KCNIP4: variants seen among roughly 807,000 people sequenced by gnomAD.
KCNIP4 encodes potassium voltage-gated channel interacting protein 4.
A neutral mutation model predicts 34.0 loss-of-function variants in KCNIP4; 12 were observed. The observed-to-expected ratio is 0.35, with a 90% confidence interval of 0.23 to 0.57. The LOEUF (loss-of-function observed/expected upper bound fraction) is 0.57. Ranked by LOEUF, KCNIP4 falls within the 20% of genes least tolerant of loss-of-function variation. The pLI is 0.83. For missense variants in KCNIP4, 238 were observed against 311.7 expected, an observed-to-expected ratio of 0.76 and a Z score of 1.78; for synonymous variants, 124 against 102.2, an observed-to-expected ratio of 1.21 and a Z score of -1.29.
intron 1 of KCNIP4, among the ~76,000 whole-genome samples, chr4:21,772,464 C>T (rs1219256314): frequency 6.6e-6 from 1 of 151,960 alleles, no homozygotes; most frequent in Non-Finnish European, 1.5e-5. Context: ...GGAGTCTCTC[C>T]TGTTCAATTG....
At chr4:20,910,950 A>C (rs540982489) in intron 1 of KCNIP4, among the ~76,000 whole-genome samples, 4 of 152,118 alleles carry the variant, frequency 2.6e-5, no homozygotes, top group Non-Finnish European at 5.9e-5. Context: ...TTATCCCCAC[A>C]TATTAAAAAA....
At chr4:21,435,420 A>C (rs1364656911) in intron 1 of KCNIP4, among the ~76,000 whole-genome samples, 1 of 152,208 alleles carries the variant, frequency 6.6e-6, no homozygotes, top group Non-Finnish European at 1.5e-5. Context: ...TTGTGCTAGC[A>C]AGATCAATCC....
intron 3 of KCNIP4, among the ~76,000 whole-genome samples, chr4:20,837,420 A>G (rs1420118084): frequency 6.6e-6 from 1 of 152,040 alleles, no homozygotes. Flanking sequence ...TTACACTTCT[A>G]TTAATGAACA....
At chr4:21,712,220 T>C (rs1713785671) in intron 1 of KCNIP4, among the ~76,000 whole-genome samples, 1 of 152,250 alleles carries the variant, frequency 6.6e-6, no homozygotes, top group East Asian at 1.9e-4. Flanking sequence ...AAAATATTTT[T>C]AAAGAATATG....
intron 1 of KCNIP4, among the ~76,000 whole-genome samples, chr4:21,016,132 C>G (rs1739520778): frequency 6.6e-6 from 1 of 150,714 alleles, no homozygotes; most frequent in Non-Finnish European, 1.5e-5. Flanking sequence ...TTGCACGATA[C>G]ACCCTGTCCA....
intron 1 of KCNIP4, among the ~76,000 whole-genome samples, chr4:21,431,205 G>A (rs779237595): frequency 4.6e-5 from 7 of 151,944 alleles, no homozygotes; most frequent in Non-Finnish European, 1.0e-4. Flanking sequence ...ATAGAACTGT[G>A]TCTATGAAGA....
intron 1 of KCNIP4, among the ~76,000 whole-genome samples, chr4:21,757,159 G>GAAAAGA (rs1252299785): frequency 2.5e-5 from 1 of 40,790 alleles, no homozygotes; most frequent in African/African-American, 8.8e-5. Flanking sequence ...AAGAAAGAAA[G>GAAAAGA]AAAGAAAGAA....
chr4:21,388,488 TA>T (rs1258907235), intron 1 of KCNIP4, among the ~76,000 whole-genome samples: 1 of 152,102 alleles, frequency 6.6e-6, no homozygotes, highest in Non-Finnish European at 1.5e-5. Context: ...TTTATCTTTT[TA>T]TAACAGTTTT....
chr4:21,273,521 A>G (rs2109141557), intron 1 of KCNIP4, among the ~76,000 whole-genome samples: 1 of 152,250 alleles, frequency 6.6e-6, no homozygotes, highest in South Asian at 2.1e-4. Flanking sequence ...GAATCGGGGG[A>G]GAGTGGCTTG....
intron 1 of KCNIP4, among the ~76,000 whole-genome samples, chr4:21,018,493 A>G (rs1346803582): frequency 6.6e-6 from 1 of 152,094 alleles, no homozygotes; most frequent in East Asian, 1.9e-4. Context: ...GACTCTTTCA[A>G]CCAATGACTG....
chr4:21,274,281 A>T (rs572145143), intron 1 of KCNIP4, among the ~76,000 whole-genome samples: 4 of 152,330 alleles, frequency 2.6e-5, no homozygotes, highest in South Asian at 2.1e-4. Context: ...GTATAAGGAC[A>T]GAAAAACTAT....
At chr4:21,856,526 G>T (rs1724766310) in intron 1 of KCNIP4, among the ~76,000 whole-genome samples, 1 of 152,196 alleles carries the variant, frequency 6.6e-6, no homozygotes, top group African/African-American at 2.4e-5. Context: ...CCCCTTCTGA[G>T]TTGGCAGGGC....
intron 1 of KCNIP4, among the ~76,000 whole-genome samples, chr4:21,042,036 G>A (rs985925588): frequency 6.6e-6 from 1 of 152,218 alleles, no homozygotes; most frequent in African/African-American, 2.4e-5. Flanking sequence ...CCAGCACAAT[G>A]CTTCCATCAG....
intron 1 of KCNIP4, among the ~76,000 whole-genome samples, chr4:21,301,795 T>C (rs1016125459): frequency 6.6e-6 from 1 of 152,186 alleles, no homozygotes; most frequent in African/African-American, 2.4e-5. Context: ...TATTCATTTG[T>C]TTTTTATCTC....
rs138539167 is a variant in KCNIP4, at chr4:21,914,606, C to T, written c.61+33965G>A. Among the ~76,000 whole-genome samples the T allele has an allele frequency of 3.1e-3, 468 of 152,224 alleles. 3 individuals are homozygous for T. Among genetic ancestry groups the T allele is most frequent in the African/African-American group, 0.011 (445 of 41,542 alleles). On this transcript the variant is annotated intron_variant, in intron 1 of 8. Transcript: ENST00000382152. ...GGTCTTTCTGCTCACATGTCACCCA[C>T]CTAAAAAGCGCTTCCCTGATCATCC...
chr4:20,882,579 G>GA (rs367632836), intron 2 of KCNIP4, 29 bp downstream of exon 2: 116,450 of 922,526 alleles, frequency 0.13, 17 homozygotes, highest in South Asian at 0.15. Flanking sequence ...AGTTTCGGAG[G>GA]AAAAAAAAAA....
At chr4:20,895,282 G>T (rs1280965534) in intron 1 of KCNIP4, among the ~76,000 whole-genome samples, 1 of 152,092 alleles carries the variant, frequency 6.6e-6, no homozygotes, top group African/African-American at 2.4e-5. Context: ...CTGAGAGCAT[G>T]GTGTCTTTCA....
intron 3 of KCNIP4, among the ~76,000 whole-genome samples, chr4:20,806,655 C>A (rs1165098268): frequency 6.6e-6 from 1 of 151,922 alleles, no homozygotes; most frequent in Non-Finnish European, 1.5e-5. Flanking sequence ...TAAAACAGAA[C>A]CATGCTTAGG....
At chr4:21,005,527 A>T (rs1325465874) in intron 1 of KCNIP4, among the ~76,000 whole-genome samples, 1 of 151,806 alleles carries the variant, frequency 6.6e-6, no homozygotes, top group Non-Finnish European at 1.5e-5. Context: ...TTTATATTTC[A>T]TATTTATTTA....
Sources: gnomAD v4.1 joint callset for allele counts (sites outside exome capture counted in the v4.1 genomes callset) on GRCh38, gnomAD v4.1.1 for gene constraint, MANE v1.5 for transcripts, NCBI Gene and HGNC (gene_info 2026-07-23, HGNC 2026-07-21) for gene names.